STOX2: variants seen among roughly 807,000 people sequenced by gnomAD.
STOX2 encodes storkhead box 2, also known as storkhead-box protein 2.
STOX2 carries 28 observed loss-of-function variants against 60.9 expected under a neutral mutation model. The observed-to-expected ratio is 0.46, with a 90% CI of 0.34 to 0.63. The LOEUF is 0.63. Among genes scored for constraint, STOX2 ranks in the 30% least tolerant of loss-of-function variants. The pLI is 0.01. For missense variants in STOX2, 1,024 were observed against 1,187.7 expected (o/e 0.86, Z 2.03); for synonymous variants, 472 against 463.9 (o/e 1.02, Z -0.22).
intron 2 of STOX2, among the ~76,000 whole-genome samples, chr4:184,008,508 ACG>A (rs1733979214): frequency 1.3e-5 from 2 of 151,768 alleles, no homozygotes; most frequent in African/African-American, 4.9e-5. Context: ...TTACTGACTG[ACG>A]CCAAAAAGGA....
chr4:183,951,185 A>T (rs1454636310), intron 1 of STOX2, among the ~76,000 whole-genome samples: 1 of 149,640 alleles, frequency 6.7e-6, no homozygotes, highest in Middle Eastern at 3.4e-3. Context: ...ACTGCACTCC[A>T]GCCTGGGCGA....
chr4:184,017,055 A>G lies in STOX2; in HGVS notation c.2586-34A>G, dbSNP rs761311237. ...TCAATTTATAATTATTTATGTTCCA[A>G]ACAAAACAAAACAAACCCTTTTTGC... On this transcript the variant is annotated intron_variant, in intron 3 of 3. Coordinates refer to ENST00000308497, the MANE Select transcript of STOX2 (RefSeq NM_020225.3). The G allele has an allele frequency of 3.3e-6, 5 of 1,537,024 alleles. No individual in the cohort carries two copies. In the South Asian group the frequency reaches 3.7e-5, roughly 12 times the overall value.
chr4:183,798,073 G>C (rs952362649), intron 1 of STOX2: 1 of 1,226,332 alleles, frequency 8.2e-7, no homozygotes, highest in African/African-American at 1.6e-5. Context: ...CGACCGCCGC[G>C]CGCCCGTCCC....
chr4:183,904,274 A>G (rs1406602176), upstream of STOX2, among the ~76,000 whole-genome samples: 1 of 152,244 alleles, frequency 6.6e-6, no homozygotes, highest in Non-Finnish European at 1.5e-5. Context: ...GCCGAGGACT[A>G]GAAGCTGCAC....
chr4:183,984,971 G>A (rs2111192608), intron 1 of STOX2, among the ~76,000 whole-genome samples: 1 of 152,276 alleles, frequency 6.6e-6, no homozygotes, highest in Non-Finnish European at 1.5e-5. Flanking sequence ...CTCAGTGGAG[G>A]CCAATGGTGT....
At chr4:183,861,734 G>A (rs1032174284) in intron 1 of STOX2, among the ~76,000 whole-genome samples, 20 of 152,186 alleles carry the variant, frequency 1.3e-4, no homozygotes, top group African/African-American at 4.8e-4. Flanking sequence ...AGGGCGTAGG[G>A]CTCATTGTGG....
chr4:183,986,229 G>A (rs1732838284), intron 1 of STOX2, among the ~76,000 whole-genome samples: 1 of 152,216 alleles, frequency 6.6e-6, no homozygotes, highest in African/African-American at 2.4e-5. Flanking sequence ...GTTTTCATCT[G>A]TATATGGCCT....
rs1734187007 is a variant in STOX2 at position 184,011,801 on chromosome 4, C to CG, written c.2585+383dup. On this transcript the variant is annotated intron_variant, in intron 3 of 3. Transcript: ENST00000308497. The surrounding 1 kb of genome is among the most constrained non-coding windows in gnomAD (Gnocchi z 4.4). ...TTGAGTAGAATAAATAGTCTGGGGGCGGGGGAGGAAGATAGGGGTTGGGAG... is the reference window on the plus strand; with the variant it reads ...TTGAGTAGAATAAATAGTCTGGGGGCGGGGGGAGGAAGATAGGGGTTGGGAG... Among the ~76,000 whole-genome samples the CG allele has an allele frequency of 6.8e-6, 1 of 147,632 alleles. No individual in the cohort carries two copies. The highest frequency in any genetic ancestry group is 1.5e-5 in the Non-Finnish European group (1 of 66,940).
chr4:183,841,261 G>A (rs1156937552), intron 1 of STOX2, among the ~76,000 whole-genome samples: 4 of 151,338 alleles, frequency 2.6e-5, no homozygotes, highest in Middle Eastern at 3.2e-3. Flanking sequence ...TTGAGTATGG[G>A]GTGTGATCAT....
chr4:183,833,653 C>G (rs1274200925), intron 1 of STOX2, among the ~76,000 whole-genome samples: 1 of 145,512 alleles, frequency 6.9e-6, no homozygotes, highest in East Asian at 2.0e-4. Flanking sequence ...TTTTTTCATT[C>G]CAAGCATACC....
chr4:183,879,798 C>T (rs371619571), intron 1 of STOX2, among the ~76,000 whole-genome samples: 2 of 151,070 alleles, frequency 1.3e-5, no homozygotes, highest in Non-Finnish European at 2.9e-5. Context: ...GAGCAGGATG[C>T]TAAATACAGG....
chr4:183,873,266 G>C (rs1740735571), intron 1 of STOX2, among the ~76,000 whole-genome samples: 1 of 152,108 alleles, frequency 6.6e-6, no homozygotes, highest in African/African-American at 2.4e-5. Flanking sequence ...TGACCAACAT[G>C]GAGAAACGCC....
chr4:183,884,069 GT>G (rs1412466903), intron 1 of STOX2, among the ~76,000 whole-genome samples: 1 of 151,924 alleles, frequency 6.6e-6, no homozygotes, highest in African/African-American at 2.4e-5. Context: ...GGCCAGGCTG[GT>G]TTTGAACTTC....
intron 3 of STOX2, chr4:184,015,747 G>C (rs1369555625): frequency 1.3e-5 from 2 of 152,242 alleles, no homozygotes; most frequent in Non-Finnish European, 2.9e-5. Flanking sequence ...GCAGGCTTAA[G>C]TCAGTTGTGG....
At chr4:183,805,651 A>C (rs565924441) in intron 1 of STOX2, among the ~76,000 whole-genome samples, 11 of 152,296 alleles carry the variant, frequency 7.2e-5, no homozygotes, top group Admixed American at 2.0e-4. Flanking sequence ...TCTACAAAAA[A>C]GTTTTAAAAA....
chr4:183,854,357 C>T (rs1373875607), intron 1 of STOX2, among the ~76,000 whole-genome samples: 1 of 152,154 alleles, frequency 6.6e-6, no homozygotes, highest in Non-Finnish European at 1.5e-5. Flanking sequence ...GTTAGATTCT[C>T]TGCAGTTGAA....
chr4:183,803,016 T>C (rs534102758), intron 1 of STOX2, among the ~76,000 whole-genome samples: 5 of 152,326 alleles, frequency 3.3e-5, no homozygotes, highest in African/African-American at 9.6e-5. Context: ...CAGTTTCACA[T>C]GGCTGGGGAA....
chr4:183,950,359 C>A (rs1383201832), intron 1 of STOX2, among the ~76,000 whole-genome samples: 1 of 152,056 alleles, frequency 6.6e-6, no homozygotes, highest in Non-Finnish European at 1.5e-5. Flanking sequence ...GAGAGAGAGA[C>A]AGACTCAGAC....
rs79818449 is a variant in STOX2, at chr4:183,799,493, C to T, written c.364+1438C>T. Among the ~76,000 whole-genome samples the T allele has an allele frequency of 3.9e-5, 6 of 152,180 alleles. No individual in the cohort carries two copies. In the East Asian group the frequency reaches 1.2e-3, roughly 29 times the overall value. On this transcript the variant is annotated intron_variant, in intron 1 of 2. Transcript: ENST00000513034. Reference sequence around the variant, plus strand: ...GCTTTTAATAATTTTCTTTGAAATTCGATTTCACACTTTTTAATGTTTTAT... The same window carrying T: ...GCTTTTAATAATTTTCTTTGAAATTTGATTTCACACTTTTTAATGTTTTAT...
Sources: gnomAD v4.1 joint callset for allele counts (sites outside exome capture counted in the v4.1 genomes callset) on GRCh38, gnomAD v4.1.1 for gene constraint, Gnocchi (gnomAD v3.1) non-coding constraint, MANE v1.5 for transcripts, NCBI Gene and HGNC (gene_info 2026-07-23, HGNC 2026-07-21) for gene names.